The following TAF6 variants were observed in gnomAD, a reference collection of about 807,000 sequenced individuals.
TAF6 encodes TATA-box binding protein associated factor 6, also known as transcription initiation factor TFIID subunit 6.
TAF6 carries 50 observed loss-of-function variants against 73.5 expected under a neutral mutation model. The observed-to-expected ratio is 0.68, with a 90% confidence interval of 0.54 to 0.86. TAF6 has a LOEUF of 0.86. TAF6 is among the 40% of genes least tolerant of loss of function. The pLI is 0.00. For synonymous variants in TAF6, 424 were observed against 376.7 expected (o/e 1.13, Z -1.45); for missense variants, 768 against 899.5 (o/e 0.85, Z 1.87).
At chr7:100,112,058 C>T in intron 7 of TAF6, 50 bp downstream of exon 7, 1 of 1,613,518 alleles carries the variant, frequency 6.2e-7, no homozygotes, top group Non-Finnish European at 8.5e-7. Context: ...ATTCATAGGG[C>T]CCCCAGGAGG....
In TAF6 at chr7:100,112,256, G is replaced by A; in HGVS notation, c.575-3C>T. On this transcript the variant is annotated splice_region_variant and splice_polypyrimidine_tract_variant and intron_variant, in intron 6 of 14. Transcript: ENST00000453269. ...GGGCGGCGCCTTCTTCTCTTTCCCT[G>A]TGTGATTGGAAAGGTGGGTCTGACA... The A allele has an allele frequency of 1.2e-6, 2 of 1,610,764 alleles. No individual in the cohort carries two copies. The highest frequency in any genetic ancestry group is 1.7e-6 in the Non-Finnish European group (2 of 1,178,668).
intron 8 of TAF6, 29 bp downstream of exon 8, chr7:100,111,893 C>T (rs752114648): frequency 1.2e-6 from 2 of 1,614,052 alleles, no homozygotes; most frequent in Admixed American, 1.7e-5. Context: ...CCACTGCCGT[C>T]CCTGCACTGT....
intron 1 of TAF6, chr7:100,118,799 G>T: frequency 2.1e-6 from 2 of 963,838 alleles, no homozygotes; most frequent in Non-Finnish European, 2.5e-6. Context: ...AAAACAAATT[G>T]GTTCTTTTCA....
upstream of TAF6, chr7:100,119,567 C>T (rs1797956639): frequency 2.8e-6 from 4 of 1,427,208 alleles, no homozygotes; most frequent in Non-Finnish European, 3.7e-6. Context: ...CGCCACAAAA[C>T]GGAGGCAGGG....
chr7:100,108,142 A>C lies in TAF6; in HGVS notation c.1459-19T>G, dbSNP rs1205200117. 6.3e-7 allele frequency: 1 copy of C among 1,579,306 alleles called. No individual in the cohort carries two copies. The highest frequency in any genetic ancestry group is 8.6e-7 in the Non-Finnish European group (1 of 1,167,094). The stretch of plus-strand genomic sequence containing the variant: ...GCCGGGGCTGCGGGGAGAAGAGGAA[A>C]GGGGGAAGTGGCACCATCTACTAAG... On this transcript the variant is annotated intron_variant, in intron 13 of 14. Transcript: ENST00000453269.
chr7:100,118,480 G>A (rs1797868163), intron 1 of TAF6: 1 of 151,958 alleles, frequency 6.6e-6, no homozygotes, highest in Non-Finnish European at 1.5e-5. Flanking sequence ...AACATAGTGA[G>A]ACCCCCATTT....
intron 1 of TAF6, chr7:100,118,429 G>A (rs544587661): frequency 2.6e-5 from 4 of 152,010 alleles, no homozygotes; most frequent in African/African-American, 7.3e-5. Flanking sequence ...AGGCAGAGGT[G>A]GGGGGATTGT....
At position 100,112,216 on chromosome 7, in the gene TAF6, G is replaced by C. The variant is rs200872613; in HGVS notation, c.612C>G (p.Ala204=). Residue 204 remains alanine (A), a synonymous_variant, in exon 7 of 15, where the codon GCC becomes GCG. Transcript: ENST00000453269. ...TGCTCCGGGGCTTCAGTCGCAAGGG[G>C]GCCCCCTCCAGCAAGGGCGGCGCCT... ...EKKAPPLLEG[A]PLRLKPRSIH... 1.2e-6 allele frequency: 2 copies of C among 1,614,154 alleles called. No individual in the cohort carries two copies. The highest frequency in any genetic ancestry group is 1.1e-5 in the South Asian group (1 of 91,084).
chr7:100,122,774 A>T (rs750580185), upstream of TAF6: 3 of 1,609,018 alleles, frequency 1.9e-6, no homozygotes, highest in East Asian at 4.5e-5. Context: ...CCAAATTCTT[A>T]ATCTCTCAGG....
upstream of TAF6, chr7:100,120,141 C>T: frequency 3.0e-6 from 1 of 328,270 alleles, no homozygotes; most frequent in Non-Finnish European, 5.6e-6. Flanking sequence ...CGGCCCGGGA[C>T]TGCCAACTTT....
intron 10 of TAF6, among the ~76,000 whole-genome samples, chr7:100,110,677 G>A (rs569905546): frequency 2.0e-5 from 3 of 152,314 alleles, no homozygotes; most frequent in Non-Finnish European, 4.4e-5. Flanking sequence ...TGGGTGTGGC[G>A]GCACATGCCT....
intron 10 of TAF6, among the ~76,000 whole-genome samples, chr7:100,110,728 T>C (rs1215440209): frequency 6.6e-6 from 1 of 152,200 alleles, no homozygotes; most frequent in East Asian, 1.9e-4. Flanking sequence ...GGAGAATCAT[T>C]GGAACCCAGG....
intron 10 of TAF6, 114 bp from the exon 11 acceptor site, chr7:100,110,388 C>CA: frequency 8.3e-7 from 1 of 1,209,712 alleles, no homozygotes; most frequent in Non-Finnish European, 1.2e-6. Flanking sequence ...ACAATGAGGC[C>CA]AGACGTGGTG....
At chr7:100,122,506 G>C, upstream of TAF6, 1 of 1,614,032 alleles carries the variant, frequency 6.2e-7, no homozygotes, top group Non-Finnish European at 8.5e-7. Context: ...AGAGGCCTTA[G>C]AGAATTTATG....
intron 1 of TAF6, among the ~76,000 whole-genome samples, chr7:100,114,794 C>T (rs1025046836): frequency 6.6e-6 from 1 of 151,704 alleles, no homozygotes. Flanking sequence ...GTAGGAGGAT[C>T]GCTTGAGCCC....
rs752264011 is a variant in TAF6 at position 100,107,668 on chromosome 7, G to GC, written c.1657-46dup. On this transcript the variant is annotated intron_variant, in intron 14 of 14. Transcript: ENST00000453269. ...AGGCCGCTTGCCCTGTGCCCTCCCT[G>GC]CCCCCCAGAGGCCTGGCGAGGACGC... 16 of 1,595,334 alleles carry GC rather than the reference G, an allele frequency of 1.0e-5. No individual in the cohort carries two copies. In the African/African-American group the frequency reaches 1.8e-4, roughly 18 times the overall value.
upstream of TAF6, chr7:100,119,472 A>G: frequency 7.5e-7 from 1 of 1,335,028 alleles, no homozygotes; most frequent in Non-Finnish European, 9.6e-7. Flanking sequence ...GTTTGTTTCT[A>G]CATCTATATA....
chr7:100,113,387 T>A lies in TAF6; in HGVS notation c.416A>T (p.Glu139Val). Reference protein sequence around the residue: ...VCLKAHWLSIEGCQPAIPENP... With the variant: ...VCLKAHWLSIVGCQPAIPENP... ...CTCGGGGATAGCTGGCTGGCAGCCCTCGATGCTCAGCCAATGAGCTGCAAG... is the reference window on the plus strand; with the variant it reads ...CTCGGGGATAGCTGGCTGGCAGCCCACGATGCTCAGCCAATGAGCTGCAAG... Residue 139 changes from glutamate to valine, a missense_variant, in exon 5 of 15, where the codon GAG becomes GTG. Coordinates refer to ENST00000453269, the MANE Select transcript of TAF6 (RefSeq NM_139315.3). 1 of 1,595,260 alleles carries A rather than the reference T, an allele frequency of 6.3e-7. No individual in the cohort carries two copies. Among genetic ancestry groups the A allele is most frequent in the Non-Finnish European group, 8.5e-7 (1 of 1,170,402 alleles).
At chr7:100,117,027 C>T (rs1471160926) in intron 1 of TAF6, among the ~76,000 whole-genome samples, 1 of 152,066 alleles carries the variant, frequency 6.6e-6, no homozygotes, top group East Asian at 1.9e-4. Flanking sequence ...GTGGGCAGAT[C>T]ACGAGGTCAA....
Sources: gnomAD v4.1 joint callset for allele counts (sites outside exome capture counted in the v4.1 genomes callset) on GRCh38, gnomAD v4.1.1 for gene constraint, MANE v1.5 for transcripts, NCBI Gene and HGNC (gene_info 2026-07-23, HGNC 2026-07-21) for gene names.